DCDC1: variants seen among roughly 807,000 people sequenced by gnomAD.
DCDC1 encodes doublecortin domain containing 1, also known as doublecortin domain-containing protein 1.
A neutral mutation model predicts 178.3 loss-of-function variants in DCDC1; 200 were observed. That is an observed-to-expected ratio of 1.12 (90% CI 1.00 to 1.26). The LOEUF (loss-of-function observed/expected upper bound fraction) is 1.26. DCDC1 is among the 50% of genes most tolerant of loss of function. DCDC1 has a pLI of 0.00. For missense variants in DCDC1, 1,983 were observed against 1,749.2 expected (o/e 1.13, Z -2.38); for synonymous variants, 690 against 604.8 (o/e 1.14, Z -2.07).
chr11:30,994,685 T>C (rs1354478427), intron 20 of DCDC1, among the ~76,000 whole-genome samples: 3 of 145,442 alleles, frequency 2.1e-5, no homozygotes, highest in Non-Finnish European at 3.0e-5. Flanking sequence ...ATATATAACA[T>C]ATTATTGTTA....
intron 9 of DCDC1, among the ~76,000 whole-genome samples, chr11:31,141,862 TTC>T (rs1963865649): frequency 6.6e-6 from 1 of 152,226 alleles, no homozygotes; most frequent in Admixed American, 6.5e-5. Flanking sequence ...CGCGAGAGCT[TTC>T]TCTTTTTCTA....
At chr11:31,024,083 C>T (rs1407447286) in intron 20 of DCDC1, among the ~76,000 whole-genome samples, 1 of 151,942 alleles carries the variant, frequency 6.6e-6, no homozygotes, top group African/African-American at 2.4e-5. Flanking sequence ...GGAACATTCA[C>T]TGAAATTTTG....
intron 9 of DCDC1, among the ~76,000 whole-genome samples, chr11:31,204,441 G>T (rs1378478598): frequency 6.6e-6 from 1 of 151,630 alleles, no homozygotes; most frequent in Non-Finnish European, 1.5e-5. Context: ...AAAAAAAAAG[G>T]GATATACATT....
At chr11:31,146,543 T>A (rs1350089398) in intron 9 of DCDC1, among the ~76,000 whole-genome samples, 2 of 152,184 alleles carry the variant, frequency 1.3e-5, no homozygotes, top group Non-Finnish European at 1.5e-5. Flanking sequence ...GTGCTGCCCT[T>A]TGGAATGTAC....
chr11:31,097,604 G>C (rs991342363), intron 15 of DCDC1, among the ~76,000 whole-genome samples: 4 of 152,296 alleles, frequency 2.6e-5, no homozygotes, highest in African/African-American at 4.8e-5. Flanking sequence ...AATGGAAAGA[G>C]TTGAGAGTAG....
intron 6 of DCDC1, among the ~76,000 whole-genome samples, chr11:31,294,858 GAAAGAA>G (rs1565567420): frequency 8.4e-6 from 1 of 118,888 alleles, no homozygotes; most frequent in African/African-American, 3.2e-5. Context: ...AAGAAAGAAA[GAAAGAA>G]AGAAAAAGAA....
chr11:31,297,781 T>A (rs1454614337), intron 6 of DCDC1, among the ~76,000 whole-genome samples: 3 of 152,220 alleles, frequency 2.0e-5, no homozygotes, highest in African/African-American at 7.2e-5. Context: ...GTTAAAAGGC[T>A]AATCAGAGAC....
chr11:31,204,442 G>T (rs1301189916), intron 9 of DCDC1, among the ~76,000 whole-genome samples: 1 of 151,686 alleles, frequency 6.6e-6, no homozygotes, highest in Non-Finnish European at 1.5e-5. Flanking sequence ...AAAAAAAAGG[G>T]ATATACATTC....
At chr11:31,196,887 G>C (rs987000130) in intron 9 of DCDC1, among the ~76,000 whole-genome samples, 3 of 151,994 alleles carry the variant, frequency 2.0e-5, no homozygotes, top group Non-Finnish European at 2.9e-5. Context: ...TGTAGTCCAG[G>C]GACCCCAGCC....
At chr11:31,342,557 A>T (rs563400941) in intron 1 of DCDC1, among the ~76,000 whole-genome samples, 1 of 152,344 alleles carries the variant, frequency 6.6e-6, no homozygotes, top group Non-Finnish European at 1.5e-5. Flanking sequence ...TTGTCCACCC[A>T]GCACTCCTCT....
At chr11:31,087,364 C>T (rs1957542959) in intron 17 of DCDC1, among the ~76,000 whole-genome samples, 1 of 151,752 alleles carries the variant, frequency 6.6e-6, no homozygotes, top group Non-Finnish European at 1.5e-5. Context: ...GATTTCCACT[C>T]TTTTATTATC....
rs1016479572 is a variant in DCDC1, at chr11:31,110,194, G to A, written c.1587+66C>T. On this transcript the variant is annotated intron_variant, in intron 12 of 38. Transcript: ENST00000684477. ...CTGCAAACAACTTTAAGATGTAATT[G>A]TCTAAATTAGTTGCAAGTAACTTGC... 4.6e-6 allele frequency: 3 copies of A among 656,702 alleles called. No individual in the cohort carries two copies. The South Asian group carries it at 4.9e-5, about 11-fold the overall frequency. The allele number at this position is 656,702 out of a possible 1,614,324, so 40.7% of individuals were successfully genotyped here.
intron 9 of DCDC1, among the ~76,000 whole-genome samples, chr11:31,172,226 A>G (rs1967336021): frequency 6.6e-6 from 1 of 152,058 alleles, no homozygotes; most frequent in Non-Finnish European, 1.5e-5. Flanking sequence ...ACCTTCTAAT[A>G]TCTATCAACC....
chr11:31,170,991 G>T (rs1418716163), intron 9 of DCDC1, among the ~76,000 whole-genome samples: 1 of 152,010 alleles, frequency 6.6e-6, no homozygotes, highest in African/African-American at 2.4e-5. Flanking sequence ...ACCATGCCAG[G>T]CTAATTTTGT....
intron 1 of DCDC1, among the ~76,000 whole-genome samples, chr11:31,361,326 G>A (rs879051752): frequency 6.6e-6 from 1 of 152,012 alleles, no homozygotes; most frequent in Admixed American, 6.6e-5. Flanking sequence ...TAAAACCAGA[G>A]CAAAAAGGTC....
intron 8 of DCDC1, among the ~76,000 whole-genome samples, chr11:31,259,088 C>T (rs908645155): frequency 1.3e-5 from 2 of 152,092 alleles, no homozygotes; most frequent in Admixed American, 6.6e-5. Context: ...CGGTGGCTCA[C>T]GTCTGAAATC....
In DCDC1 at chr11:31,213,163, G is replaced by A. The variant is rs12284265; in HGVS notation, c.1221+28287C>T. ...TCTCTCTCTCTCTCTCTCTCTCTCTGCTTTCTTTACCAGGGCAGTGGTTTG... is the reference window on the plus strand; with the variant it reads ...TCTCTCTCTCTCTCTCTCTCTCTCTACTTTCTTTACCAGGGCAGTGGTTTG... On this transcript the variant is annotated intron_variant, in intron 9 of 38. Coordinates refer to ENST00000684477, the MANE Select transcript of DCDC1 (RefSeq NM_001387274.1). 9.2e-4 allele frequency among the ~76,000 whole-genome samples: 68 copies of A among 73,896 alleles called. 1 individual carries two copies. Among genetic ancestry groups the A allele is most frequent in the African/African-American group, 3.7e-3 (64 of 17,416 alleles). The allele number at this position is 73,896 out of a possible 152,430, so 48.5% of individuals were successfully genotyped here.
chr11:31,353,349 A>T (rs1159971343), intron 1 of DCDC1, among the ~76,000 whole-genome samples: 1 of 152,232 alleles, frequency 6.6e-6, no homozygotes, highest in East Asian at 1.9e-4. Flanking sequence ...ATTTCTTTGG[A>T]ATCTAATGCT....
At chr11:30,891,273 A>T (rs1224304742) in intron 36 of DCDC1, among the ~76,000 whole-genome samples, 1 of 152,210 alleles carries the variant, frequency 6.6e-6, no homozygotes, top group African/African-American at 2.4e-5. Flanking sequence ...CAGCATCTAG[A>T]ATAGGGCTCT....
Sources: gnomAD v4.1 joint callset for allele counts (sites outside exome capture counted in the v4.1 genomes callset) on GRCh38, gnomAD v4.1.1 for gene constraint, MANE v1.5 for transcripts, NCBI Gene and HGNC (gene_info 2026-07-23, HGNC 2026-07-21) for gene names.